TRPC5: variants seen among roughly 807,000 people sequenced by gnomAD.
The protein encoded by TRPC5 is short transient receptor potential channel 5.
A neutral mutation model predicts 56.5 loss-of-function variants in TRPC5; 9 were observed. The observed-to-expected ratio is 0.16, with a 90% confidence interval of 0.10 to 0.28. The LOEUF (loss-of-function observed/expected upper bound fraction) is 0.28. Ranked by LOEUF, TRPC5 falls within the 10% of genes least tolerant of loss-of-function variation. TRPC5 has a pLI of 1.00. For missense variants in TRPC5, 469 were observed against 748.9 expected (o/e 0.63, Z 4.36); for synonymous variants, 282 against 278.5 (o/e 1.01, Z -0.13).
chrX:111,990,234 A>G (rs1603133330), intron 1 of TRPC5, among the ~76,000 whole-genome samples: 1 of 110,776 alleles, frequency 9.0e-6, no homozygotes, highest in East Asian at 2.8e-4. Flanking sequence ...CCTGACCAAC[A>G]AGGTGAAACA....
chrX:112,023,385 T>C (rs780131356), intron 1 of TRPC5, among the ~76,000 whole-genome samples: 1 of 106,796 alleles, frequency 9.4e-6, no homozygotes, highest in Non-Finnish European at 1.9e-5. Flanking sequence ...CTCCAGCCTC[T>C]TGTGGGTTTC....
chrX:111,814,405 G>A lies in TRPC5; in HGVS notation c.1896+20516C>T, dbSNP rs150198452. Among the ~76,000 whole-genome samples, 640 of 110,837 alleles carry A rather than the reference G, an allele frequency of 5.8e-3. 4 individuals are homozygous for A. Among genetic ancestry groups the A allele is most frequent in the African/African-American group, 0.02 (614 of 30,493 alleles). On this transcript the variant is annotated intron_variant, in intron 7 of 10. Coordinates refer to ENST00000262839, the MANE Select transcript of TRPC5 (RefSeq NM_012471.3). Reference sequence around the variant, plus strand: ...TGTTCTAATCATTCTGGGGCCTGCTGGGAATCACTTTGAGATTGGTTTAGC... The same window carrying A: ...TGTTCTAATCATTCTGGGGCCTGCTAGGAATCACTTTGAGATTGGTTTAGC...
chrX:111,790,183 G>A (rs977631558), intron 7 of TRPC5, among the ~76,000 whole-genome samples: 1 of 111,886 alleles, frequency 8.9e-6, no homozygotes, highest in African/African-American at 3.3e-5. Flanking sequence ...TGATAGACTG[G>A]ATAAAGAAAA....
At chrX:111,808,114 C>T (rs187748524) in intron 7 of TRPC5, among the ~76,000 whole-genome samples, 7 of 109,953 alleles carry the variant, frequency 6.4e-5, no homozygotes, top group Non-Finnish European at 1.1e-4. Context: ...CCAAGGCCTG[C>T]GGTGACCACT....
Position 111,964,602 on chromosome X carries a change from C to A in TRPC5, c.-21-12161G>T, listed in dbSNP as rs1178657546. ...AGGTGGGGTTACCCACAAAGGGAAG[C>A]TCATCAGACTAACAGCGGATCTCTT... is the stretch of plus-strand genomic sequence containing the variant. On this transcript the variant is annotated intron_variant, in intron 1 of 10. Coordinates refer to ENST00000262839, the MANE Select transcript of TRPC5 (RefSeq NM_012471.3). 1.2e-4 allele frequency among the ~76,000 whole-genome samples: 13 copies of A among 112,573 alleles called. No homozygotes were observed. The Admixed American group carries it at 1.2e-3, about 11-fold the overall frequency.
chrX:111,966,665 C>G (rs1189001017), intron 1 of TRPC5, among the ~76,000 whole-genome samples: 1 of 111,988 alleles, frequency 8.9e-6, no homozygotes, highest in Non-Finnish European at 1.9e-5. Context: ...GGATGCAAGG[C>G]TGGTTCAACA....
At chrX:112,071,455 T>C (rs531482464) in intron 1 of TRPC5, among the ~76,000 whole-genome samples, 12 of 111,916 alleles carry the variant, frequency 1.1e-4, no homozygotes, top group African/African-American at 3.6e-4. Flanking sequence ...AGTGGTAGAG[T>C]TGGGATTTGA....
chrX:111,974,687 G>A (rs934130813), intron 1 of TRPC5, among the ~76,000 whole-genome samples: 1 of 110,494 alleles, frequency 9.1e-6, no homozygotes, highest in African/African-American at 3.3e-5. Flanking sequence ...GACAGAATGG[G>A]TTTGGAGCTC....
chrX:112,063,207 C>G (rs142667863), intron 1 of TRPC5, among the ~76,000 whole-genome samples: 2,647 of 111,618 alleles, frequency 0.024, 48 homozygotes, highest in African/African-American at 0.065. Context: ...TTTGAAGGGA[C>G]CTAGAGATTC....
chrX:112,025,515 A>AT (rs996461427), intron 1 of TRPC5, among the ~76,000 whole-genome samples: 4 of 110,939 alleles, frequency 3.6e-5, no homozygotes, highest in Admixed American at 9.6e-5. Flanking sequence ...CTTGGCATTC[A>AT]TTTTTTTTGG....
At chrX:111,956,311 T>C (rs1927235599) in intron 1 of TRPC5, among the ~76,000 whole-genome samples, 1 of 112,135 alleles carries the variant, frequency 8.9e-6, no homozygotes, top group African/African-American at 3.2e-5. Context: ...GTAAAACCCT[T>C]GTGACCTCTC....
Position 111,776,224 on chromosome X carries a change from C to CA in TRPC5, c.*88dup. ...CACTCTCCTTTCTGGGGGGCAGGGGCAGTGAGGGAATCATATTCTGTGTCA... is the reference window on the plus strand; with the variant it reads ...CACTCTCCTTTCTGGGGGGCAGGGGCAAGTGAGGGAATCATATTCTGTGTCA... On this transcript the variant is annotated 3_prime_UTR_variant, in exon 11 of 11. Coordinates refer to ENST00000262839, the MANE Select transcript of TRPC5 (RefSeq NM_012471.3). The CA allele has an allele frequency of 1.1e-6, 1 of 889,759 alleles. No homozygotes were observed. The highest frequency in any genetic ancestry group is 1.5e-6 in the Non-Finnish European group (1 of 652,461). 73.3% of individuals were successfully genotyped at this position (889,759 alleles called of 1,213,427 possible). A position where few individuals can be genotyped will look rare whatever the true frequency, so the allele number is the denominator to read the frequency against.
At chrX:111,968,278 C>T (rs1321596329) in intron 1 of TRPC5, among the ~76,000 whole-genome samples, 110 of 108,519 alleles carry the variant, frequency 1.0e-3, no homozygotes, top group African/African-American at 3.1e-3. Context: ...CAATGAGATA[C>T]CATCTCACAC....
At chrX:111,819,736 C>A (rs776861456) in intron 7 of TRPC5, among the ~76,000 whole-genome samples, 82 of 111,751 alleles carry the variant, frequency 7.3e-4, no homozygotes, top group Non-Finnish European at 1.5e-3. Context: ...CAGGAACTAA[C>A]TTTTAACTTC....
At chrX:111,936,507 A>G (rs369744467) in intron 2 of TRPC5, among the ~76,000 whole-genome samples, 1 of 109,439 alleles carries the variant, frequency 9.1e-6, no homozygotes, top group East Asian at 2.9e-4. Context: ...CCCACACCCC[A>G]CAACAGGCCC....
chrX:111,966,013 C>G (rs909303729), intron 1 of TRPC5, among the ~76,000 whole-genome samples: 3 of 111,583 alleles, frequency 2.7e-5, no homozygotes, highest in Non-Finnish European at 5.7e-5. Flanking sequence ...ACACAAAAAA[C>G]CCTTCAAAAA....
At chrX:111,949,630 A>G (rs1260078994) in intron 2 of TRPC5, among the ~76,000 whole-genome samples, 1 of 112,126 alleles carries the variant, frequency 8.9e-6, no homozygotes, top group Non-Finnish European at 1.9e-5. Context: ...ATGCAAATCA[A>G]AACCACAGAG....
At chrX:111,913,087 G>A (rs149333388) in intron 2 of TRPC5, among the ~76,000 whole-genome samples, 3,065 of 111,216 alleles carry the variant, frequency 0.028, 112 homozygotes, top group African/African-American at 0.096. Flanking sequence ...CTGAGACAGA[G>A]GGAGATTAAA....
At chrX:111,963,195 G>A (rs978932178) in intron 1 of TRPC5, among the ~76,000 whole-genome samples, 2 of 112,515 alleles carry the variant, frequency 1.8e-5, no homozygotes, top group African/African-American at 6.4e-5. Flanking sequence ...ATGGCTCAGA[G>A]GGTCCTACGC....
Sources: gnomAD v4.1 joint callset for allele counts (sites outside exome capture counted in the v4.1 genomes callset) on GRCh38, gnomAD v4.1.1 for gene constraint, MANE v1.5 for transcripts, NCBI Gene and HGNC (gene_info 2026-07-23, HGNC 2026-07-21) for gene names.